Variants in SENP8 observed in about 807,000 individuals in gnomAD.
SENP8 encodes sentrin-specific protease 8.
Under a neutral mutation model 14.4 loss-of-function variants are expected in SENP8, and 10 were observed. The observed-to-expected ratio is 0.69, with a 90% confidence interval of 0.43 to 1.18. The LOEUF (loss-of-function observed/expected upper bound fraction) is 1.18. SENP8 is among the 50% of genes most tolerant of loss of function. The probability of loss-of-function intolerance (pLI) is 0.00; values close to 1 mark genes in which losing one functional copy is unlikely to be tolerated. For synonymous variants in SENP8, 94 were observed against 95.5 expected, an observed-to-expected ratio of 0.98 and a Z score of 0.09; for missense variants, 202 against 249.4, an observed-to-expected ratio of 0.81 and a Z score of 1.28.
chr15:72,125,120 C>T (rs1224218031), intron 1 of SENP8, among the ~76,000 whole-genome samples: 3 of 152,114 alleles, frequency 2.0e-5, no homozygotes, highest in Admixed American at 2.0e-4. Flanking sequence ...TTTTTGCACA[C>T]ATTGTTAATG....
rs192009414 is a variant in SENP8, at chr15:72,139,977, T to C, written c.354T>C (p.Tyr118=). ...YLQDKNSFFH[Y]DSHSRSNSVH... ...AAGATAAAAATAGCTTTTTTCATTA[T>C]GATTCCCATAGCAGGAGCAACTCAG... is the stretch of plus-strand genomic sequence containing the variant. The change falls in exon 2 of 2, where the codon TAT becomes TAC. Residue 118 remains tyrosine, a synonymous_variant. Transcript: ENST00000340912. 70 of 1,614,252 alleles carry C rather than the reference T, an allele frequency of 4.3e-5. No homozygotes were observed. The highest frequency in any genetic ancestry group is 5.6e-5 in the Non-Finnish European group (66 of 1,180,044).
intron 1 of SENP8, among the ~76,000 whole-genome samples, chr15:72,121,975 CTCAG>C (rs1050599265): frequency 2.0e-5 from 3 of 152,200 alleles, no homozygotes; most frequent in African/African-American, 7.2e-5. Flanking sequence ...CAAGGCCTTC[CTCAG>C]TCAAACTCCA....
At chr15:72,121,777 T>C (rs1467809150) in intron 1 of SENP8, among the ~76,000 whole-genome samples, 2 of 152,142 alleles carry the variant, frequency 1.3e-5, no homozygotes, top group African/African-American at 4.8e-5. Context: ...ATTTCCACAA[T>C]GTGCTGACCA....
chr15:72,114,455 G>A (rs2080894720), upstream of SENP8: 1 of 152,226 alleles, frequency 6.6e-6, no homozygotes, highest in South Asian at 2.1e-4. Flanking sequence ...TGACAGACTG[G>A]ATGTTGGCAG....
At chr15:72,117,536 G>A (rs2081038948), upstream of SENP8, 1 of 351,466 alleles carries the variant, frequency 2.8e-6, no homozygotes. Flanking sequence ...GCCGTGATCT[G>A]GTGTTTGGGA....
intron 1 of SENP8, among the ~76,000 whole-genome samples, chr15:72,131,585 TC>T (rs1318330214): frequency 1.3e-5 from 2 of 152,142 alleles, no homozygotes; most frequent in Non-Finnish European, 2.9e-5. Context: ...GTAATCTCCT[TC>T]TATTAAAATT....
At chr15:72,118,049 C>A, upstream of SENP8, 1 of 396,368 alleles carries the variant, frequency 2.5e-6, no homozygotes, top group Non-Finnish European at 4.5e-6. Context: ...CACAGCCAAC[C>A]GCCGCCGCGT....
At chr15:72,127,445 A>G (rs1206254754) in intron 1 of SENP8, among the ~76,000 whole-genome samples, 1 of 152,072 alleles carries the variant, frequency 6.6e-6, no homozygotes, top group East Asian at 1.9e-4. Flanking sequence ...AGCTAGTACC[A>G]CCCTCAGGAG....
upstream of SENP8, among the ~76,000 whole-genome samples, chr15:72,115,295 T>C (rs2080931148): frequency 6.6e-6 from 1 of 152,222 alleles, no homozygotes; most frequent in Non-Finnish European, 1.5e-5. Context: ...CAGAACCTGA[T>C]ACTGAGCTTC....
At chr15:72,117,577 TCCGCTGGGACGGGGCGGGGCGG>T (rs1238804630), upstream of SENP8, 1 of 381,652 alleles carries the variant, frequency 2.6e-6, no homozygotes, top group African/African-American at 2.1e-5. Context: ...GCGGGGCGTC[TCCGCTGGGACGGGGCGGGGCGG>T]CCCGACCGGA....
intron 1 of SENP8, among the ~76,000 whole-genome samples, chr15:72,138,850 A>G (rs930015297): frequency 3.3e-5 from 5 of 151,096 alleles, no homozygotes; most frequent in African/African-American, 9.7e-5. Flanking sequence ...CTGTAATCCC[A>G]GCTACTCAGG....
chr15:72,136,463 A>C (rs946488930), intron 1 of SENP8, among the ~76,000 whole-genome samples: 11 of 150,568 alleles, frequency 7.3e-5, no homozygotes, highest in Non-Finnish European at 1.0e-4. Context: ...ATCCTAATTC[A>C]TGCCATCTTA....
chr15:72,134,933 G>A (rs559669008), intron 1 of SENP8: 7 of 299,334 alleles, frequency 2.3e-5, no homozygotes, highest in East Asian at 2.1e-4. Flanking sequence ...TAAGCACTCT[G>A]AGAACAGAGA....
intron 1 of SENP8, among the ~76,000 whole-genome samples, chr15:72,132,704 G>A (rs1391469258): frequency 6.8e-6 from 1 of 147,484 alleles, no homozygotes; most frequent in East Asian, 2.0e-4. Context: ...CCCCCAGGCT[G>A]GAGGGCAGTG....
Position 72,139,034 on chromosome 15 carries a change from A to T in SENP8, c.-47-543A>T, listed in dbSNP as rs534322305. The stretch of plus-strand genomic sequence containing the variant: ...ATTAACAATAACATAGCCAATTAAT[A>T]CATGTTTTGTAAATGTATTATATAC... On this transcript the variant is annotated intron_variant, in intron 1 of 1. Transcript: ENST00000340912. Among the ~76,000 whole-genome samples the T allele has an allele frequency of 3.9e-5, 6 of 152,082 alleles. No individual in the cohort carries two copies. The South Asian group carries it at 1.2e-3, about 32-fold the overall frequency.
intron 1 of SENP8, among the ~76,000 whole-genome samples, chr15:72,125,129 T>G (rs2081204449): frequency 2.6e-5 from 4 of 152,202 alleles, no homozygotes; most frequent in Admixed American, 6.5e-5. Flanking sequence ...ACATTGTTAA[T>G]GTCTCCCTTA....
chr15:72,117,752 G>T, upstream of SENP8: 1 of 397,766 alleles, frequency 2.5e-6, no homozygotes, highest in South Asian at 1.3e-4. Context: ...CTCCGCCCCA[G>T]GGTAGGACCG....
intron 1 of SENP8, among the ~76,000 whole-genome samples, chr15:72,121,906 A>G (rs992451566): frequency 2.0e-5 from 3 of 152,212 alleles, no homozygotes; most frequent in African/African-American, 7.2e-5. Context: ...TGTATTATAA[A>G]TGATATTGTT....
At chr15:72,120,865 C>A (rs186512930) in intron 1 of SENP8, among the ~76,000 whole-genome samples, 2 of 152,250 alleles carry the variant, frequency 1.3e-5, no homozygotes, top group Admixed American at 1.3e-4. Context: ...AGTTTGTGGT[C>A]CACACTTATT....
Sources: allele counts gnomAD v4.1 joint callset (sites outside exome capture counted in the v4.1 genomes callset), GRCh38; gene constraint gnomAD v4.1.1; transcripts MANE v1.5; gene names NCBI Gene and HGNC (gene_info 2026-07-23, HGNC 2026-07-21).